The following PTPRG variants were observed in gnomAD, a reference collection of about 807,000 sequenced individuals.
PTPRG encodes the protein receptor-type tyrosine-protein phosphatase gamma.
A neutral mutation model predicts 165.3 loss-of-function variants in PTPRG; 102 were observed. The ratio of observed to expected loss-of-function variants is 0.62; its 90% CI spans 0.53 to 0.73. The LOEUF (loss-of-function observed/expected upper bound fraction) is 0.73. Ranked by LOEUF, PTPRG falls within the 30% of genes least tolerant of loss-of-function variation. The pLI, the probability that PTPRG is intolerant of heterozygous loss-of-function variation, is 0.00. For missense variants in PTPRG, 1,866 were observed against 1,861.4 expected, an observed-to-expected ratio of 1.00 and a Z score of -0.05; for synonymous variants, 675 against 669.5, an observed-to-expected ratio of 1.01 and a Z score of -0.13.
At chr3:62,206,088 A>C (rs1387344759) in intron 12 of PTPRG, among the ~76,000 whole-genome samples, 1 of 152,168 alleles carries the variant, frequency 6.6e-6, no homozygotes, top group East Asian at 1.9e-4. Context: ...CATTTGTTTG[A>C]CCACATTCCT....
intron 29 of PTPRG, 160 bp downstream of exon 29, chr3:62,292,716 A>G: frequency 1.4e-6 from 1 of 722,684 alleles, no homozygotes; most frequent in Non-Finnish European, 2.2e-6. Context: ...GATGGATGGC[A>G]TCTAGAGGAT....
chr3:62,146,019 T>G (rs544096653), intron 6 of PTPRG, among the ~76,000 whole-genome samples: 23 of 152,330 alleles, frequency 1.5e-4, no homozygotes, highest in Non-Finnish European at 2.9e-4. Flanking sequence ...AAAAGGAAGC[T>G]AAAAGAATGT....
intron 5 of PTPRG, among the ~76,000 whole-genome samples, chr3:62,103,148 T>C (rs553868168): frequency 1.4e-4 from 21 of 152,314 alleles, no homozygotes; most frequent in Middle Eastern, 3.4e-3. Context: ...ATCAAGTTTT[T>C]TTTTTATTTT....
Position 62,168,147 on chromosome 3 carries a change from G to T in PTPRG, c.1017G>T (p.Gly339=). 6.2e-7 allele frequency: 1 copy of T among 1,613,934 alleles called. No individual in the cohort carries two copies. The highest frequency in any genetic ancestry group is 8.5e-7 in the Non-Finnish European group (1 of 1,179,920). Residue 339 remains glycine, a synonymous_variant, in exon 8 of 30, where the codon GGG becomes GGT. Coordinates refer to ENST00000474889, the MANE Select transcript of PTPRG (RefSeq NM_002841.4). ...CAGACTTCTTAGAAAACCCACTGGG[G>T]ACAGAAGCCTCTAAAGGTATATTTG... The part of the protein sequence containing the change: ...DMTDFLENPL[G]TEASKVCSSP...
Position 62,255,039 on chromosome 3 carries a change from G to A in PTPRG, c.2468-85G>A. ...TGCTCTTTGCAAAAATCAAGTATTT[G>A]TCTTAAGGATGCTTTGCTTTATCAG... On this transcript the variant is annotated intron_variant, in intron 15 of 29. Transcript: ENST00000474889. This position sits in a 1 kb window ranked among gnomAD's most constrained non-coding sequence, Gnocchi z 4.0. 1 of 1,162,464 alleles carries A rather than the reference G, an allele frequency of 8.6e-7. No homozygotes were observed. The highest frequency in any genetic ancestry group is 1.2e-6 in the Non-Finnish European group (1 of 805,986). 72.0% of individuals were successfully genotyped at this position (1,162,464 alleles called of 1,614,324 possible). A position where few individuals can be genotyped will look rare whatever the true frequency, so the allele number is the denominator to read the frequency against.
chr3:61,806,313 TAA>T (rs1169786829), intron 2 of PTPRG, among the ~76,000 whole-genome samples: 3 of 152,180 alleles, frequency 2.0e-5, no homozygotes, highest in African/African-American at 7.2e-5. Context: ...GTTGAGTTTC[TAA>T]AGTTACAGAA....
intron 2 of PTPRG, among the ~76,000 whole-genome samples, chr3:61,781,638 G>A (rs921014267): frequency 6.6e-5 from 10 of 152,220 alleles, no homozygotes; most frequent in Admixed American, 4.6e-4. Context: ...GCTTTTATCA[G>A]TATGATAATA....
chr3:61,574,190 G>T (rs1302275043), intron 1 of PTPRG, among the ~76,000 whole-genome samples: 1 of 152,176 alleles, frequency 6.6e-6, no homozygotes, highest in Non-Finnish European at 1.5e-5. Context: ...GCAGAGAGCA[G>T]CAGAGCTTGC....
chr3:61,910,344 A>T (rs113729095), intron 2 of PTPRG, among the ~76,000 whole-genome samples: 7 of 152,288 alleles, frequency 4.6e-5, no homozygotes, highest in African/African-American at 1.4e-4. Context: ...GTTGCTCTGC[A>T]CCATCTCTGT....
intron 27 of PTPRG, 118 bp from the exon 28 acceptor site, chr3:62,282,609 C>A (rs998720519): frequency 3.1e-6 from 3 of 981,816 alleles, no homozygotes; most frequent in Non-Finnish European, 4.3e-6. Context: ...GTTTGGTTAA[C>A]ACAACATTGT....
intron 2 of PTPRG, among the ~76,000 whole-genome samples, chr3:61,823,874 C>G (rs1051268264): frequency 6.6e-6 from 1 of 152,096 alleles, no homozygotes; most frequent in African/African-American, 2.4e-5. Context: ...CGCCTGTAAT[C>G]CCAGGACTTT....
Position 61,922,050 on chromosome 3 carries a change from T to C in PTPRG, c.191-67575T>C, listed in dbSNP as rs189100957. Among the ~76,000 whole-genome samples the C allele has an allele frequency of 1.3e-4, 20 of 152,304 alleles. No individual in the cohort carries two copies. In the East Asian group the frequency reaches 3.7e-3, roughly 28 times the overall value. On this transcript the variant is annotated intron_variant, in intron 2 of 29. Coordinates refer to ENST00000474889, the MANE Select transcript of PTPRG (RefSeq NM_002841.4). ...TCCAGAAATGTAAATTTTACTCAGT[T>C]AGTCAACATTTTGCAGCTTGTTGAG...
chr3:61,831,154 C>T (rs575284873), intron 2 of PTPRG, among the ~76,000 whole-genome samples: 8 of 152,328 alleles, frequency 5.3e-5, no homozygotes, highest in East Asian at 1.9e-4. Flanking sequence ...GATACTGATA[C>T]TGATGAGTAT....
chr3:62,201,258 TTAAC>T (rs1700090045), intron 10 of PTPRG, among the ~76,000 whole-genome samples: 1 of 152,210 alleles, frequency 6.6e-6, no homozygotes, highest in African/African-American at 2.4e-5. Flanking sequence ...AAATAACTTT[TTAAC>T]TAATAGCTTA....
chr3:62,177,237 G>T (rs1374901658), intron 8 of PTPRG, among the ~76,000 whole-genome samples: 1 of 152,118 alleles, frequency 6.6e-6, no homozygotes, highest in African/African-American at 2.4e-5. Flanking sequence ...AGTGAGCCAT[G>T]GTCATGCCCA....
chr3:62,074,735 A>G (rs1484734423), intron 4 of PTPRG, among the ~76,000 whole-genome samples: 13 of 152,110 alleles, frequency 8.5e-5, no homozygotes, highest in Admixed American at 8.5e-4. Context: ...ACTAGAAAGA[A>G]CAGACTTTGG....
At chr3:61,957,320 T>C (rs529358700) in intron 2 of PTPRG, among the ~76,000 whole-genome samples, 1 of 152,368 alleles carries the variant, frequency 6.6e-6, no homozygotes, top group Non-Finnish European at 1.5e-5. Context: ...GTGAATAAAT[T>C]ATTTTGAAAT....
At chr3:62,047,441 T>C (rs956988861) in intron 4 of PTPRG, among the ~76,000 whole-genome samples, 1 of 152,090 alleles carries the variant, frequency 6.6e-6, no homozygotes, top group Non-Finnish European at 1.5e-5. Context: ...TTTGTATTTT[T>C]AGTAGAGATG....
chr3:61,975,519 T>A (rs941943726), intron 2 of PTPRG, among the ~76,000 whole-genome samples: 2 of 152,220 alleles, frequency 1.3e-5, no homozygotes, highest in African/African-American at 4.8e-5. Flanking sequence ...CTCCCAGCAC[T>A]AGTCTTTTTG....
Sources: allele counts gnomAD v4.1 joint callset (sites outside exome capture counted in the v4.1 genomes callset), GRCh38; gene constraint gnomAD v4.1.1; non-coding constraint Gnocchi (gnomAD v3.1); transcripts MANE v1.5; gene names NCBI Gene and HGNC (gene_info 2026-07-23, HGNC 2026-07-21).